SMYD2: variants seen among roughly 807,000 people sequenced by gnomAD.
SMYD2 encodes the protein SET and MYND domain containing 2.
Under a neutral mutation model 59.1 loss-of-function variants are expected in SMYD2, and 53 were observed. That is an observed-to-expected ratio of 0.90 (90% CI 0.72 to 1.13). The LOEUF (loss-of-function observed/expected upper bound fraction) is 1.13, where lower values mean the gene tolerates loss of function less well. Ranked by LOEUF, SMYD2 falls within the 50% of genes most tolerant of loss-of-function variation. The probability of loss-of-function intolerance (pLI) is 0.00; values close to 1 mark genes in which losing one functional copy is unlikely to be tolerated. For missense variants in SMYD2, 494 were observed against 544.7 expected, an observed-to-expected ratio of 0.91 and a Z score of 0.93; for synonymous variants, 208 against 198.8, an observed-to-expected ratio of 1.05 and a Z score of -0.39.
intron 1 of SMYD2, among the ~76,000 whole-genome samples, chr1:214,291,906 A>G (rs896144382): frequency 3.9e-5 from 6 of 152,224 alleles, no homozygotes; most frequent in African/African-American, 1.4e-4. Flanking sequence ...TATTTTAAAC[A>G]GCACTCTAAA....
chr1:214,324,859 A>T, intron 6 of SMYD2, 151 bp downstream of exon 6: 1 of 689,236 alleles, frequency 1.5e-6, no homozygotes, highest in South Asian at 2.0e-5. Context: ...CAGATTTCAA[A>T]ATATTTCCCC....
At chr1:214,289,349 G>T (rs1400856332) in intron 1 of SMYD2, among the ~76,000 whole-genome samples, 1 of 152,128 alleles carries the variant, frequency 6.6e-6, no homozygotes, top group Non-Finnish European at 1.5e-5. Context: ...ATAAAAATAT[G>T]AAATAATTAC....
Position 214,337,006 on chromosome 1 carries a change from T to A in SMYD2, c.*222T>A. 2.1e-6 allele frequency: 1 copy of A among 474,372 alleles called. No individual in the cohort carries two copies. Among genetic ancestry groups the A allele is most frequent in the South Asian group, 2.7e-5 (1 of 36,500 alleles). 29.4% of individuals were successfully genotyped at this position (474,372 alleles called of 1,614,324 possible). A position where few individuals can be genotyped will look rare whatever the true frequency, so the allele number is the denominator to read the frequency against. On this transcript the variant is annotated 3_prime_UTR_variant, in exon 12 of 12. Transcript: ENST00000366957. ...AATGCTTTTGTTTCCTAAGAGATAA[T>A]GGCATGGTTTCATATGTTATACTTT...
At position 214,334,281 on chromosome 1, in the gene SMYD2, A is replaced by T; in HGVS notation, c.1194A>T (p.Lys398Asn). 1 of 1,613,798 alleles carries T rather than the reference A, an allele frequency of 6.2e-7. No homozygotes were observed. Among genetic ancestry groups the T allele is most frequent in the Non-Finnish European group, 8.5e-7 (1 of 1,180,022 alleles). Residue 398 changes from lysine to asparagine, a missense_variant, in exon 11 of 12, where the codon AAA (lysine) becomes AAT (asparagine). Coordinates refer to ENST00000366957, the MANE Select transcript of SMYD2 (RefSeq NM_020197.3). Reference protein sequence around the residue: ...LGRLYMGLEHKAAGEKALKKA... With the variant: ...LGRLYMGLEHNAAGEKALKKA... ...GACTCTACATGGGCCTGGAACACAA[A>T]GCCGCAGGGGAGAAAGCCCTGAAGA...
intron 1 of SMYD2, among the ~76,000 whole-genome samples, chr1:214,286,693 A>T (rs12724396): frequency 7.0e-6 from 1 of 142,954 alleles, no homozygotes; most frequent in East Asian, 2.1e-4. Context: ...CTAGGAACCC[A>T]GGAGGCAGAG....
intron 3 of SMYD2, among the ~76,000 whole-genome samples, chr1:214,316,902 A>T (rs892734783): frequency 6.6e-6 from 1 of 152,198 alleles, no homozygotes; most frequent in South Asian, 2.1e-4. Flanking sequence ...AGGGAATAGG[A>T]TGACTGGGTG....
intron 8 of SMYD2, 97 bp from the exon 9 acceptor site, chr1:214,330,852 TC>T: frequency 1.3e-6 from 2 of 1,567,556 alleles, no homozygotes; most frequent in South Asian, 2.3e-5. Flanking sequence ...TGGGCCAGTG[TC>T]GACCGCTGTG....
chr1:214,300,724 G>A (rs1331152065), intron 1 of SMYD2, among the ~76,000 whole-genome samples: 3 of 152,194 alleles, frequency 2.0e-5, no homozygotes, highest in African/African-American at 7.2e-5. Flanking sequence ...CAAAATGTGT[G>A]AATTCCAATT....
At chr1:214,308,529 G>C (rs1455267474) in intron 2 of SMYD2, among the ~76,000 whole-genome samples, 1 of 152,176 alleles carries the variant, frequency 6.6e-6, no homozygotes, top group Non-Finnish European at 1.5e-5. Flanking sequence ...CAAAGTAGAG[G>C]CTCTGCTTAA....
intron 1 of SMYD2, among the ~76,000 whole-genome samples, chr1:214,282,110 A>G (rs1395942504): frequency 6.6e-6 from 1 of 152,150 alleles, no homozygotes; most frequent in South Asian, 2.1e-4. Context: ...TGCTAATGGT[A>G]TTTAATTGTA....
At chr1:214,293,021 G>A (rs1324864003) in intron 1 of SMYD2, among the ~76,000 whole-genome samples, 1 of 14,722 alleles carries the variant, frequency 6.8e-5, no homozygotes, top group Admixed American at 7.7e-4. Context: ...TTGTGTGTGT[G>A]TGTGTGTGTG....
In SMYD2 at chr1:214,291,739, G is replaced by A. The variant is rs75086554; in HGVS notation, c.173+10312G>A. ...TCCAGTCCTACAACTACAACACCCT[G>A]TCTCATGACTGACACAAACTAAGAG... On this transcript the variant is annotated intron_variant, in intron 1 of 11. Coordinates refer to ENST00000366957, the MANE Select transcript of SMYD2 (RefSeq NM_020197.3). 9.1e-3 allele frequency among the ~76,000 whole-genome samples: 1,382 copies of A among 152,256 alleles called. 32 individuals are homozygous for A. The highest frequency in any genetic ancestry group is 0.032 in the African/African-American group (1,319 of 41,544).
intron 1 of SMYD2, among the ~76,000 whole-genome samples, chr1:214,301,275 C>T (rs576624115): frequency 3.9e-5 from 6 of 151,984 alleles, no homozygotes; most frequent in African/African-American, 7.2e-5. Flanking sequence ...CAGTTAAATG[C>T]GGATGTTCTT....
intron 1 of SMYD2, among the ~76,000 whole-genome samples, chr1:214,288,351 A>G (rs1340889786): frequency 6.6e-6 from 1 of 152,176 alleles, no homozygotes; most frequent in Admixed American, 6.5e-5. Context: ...GTTTCTCTGA[A>G]TTTCACACCT....
chr1:214,326,106 C>T (rs1019554284), intron 6 of SMYD2, among the ~76,000 whole-genome samples: 5 of 151,726 alleles, frequency 3.3e-5, no homozygotes, highest in East Asian at 1.9e-4. Flanking sequence ...GGCATGGTGG[C>T]GCACACCTGT....
At chr1:214,306,899 G>A (rs920231822) in intron 2 of SMYD2, among the ~76,000 whole-genome samples, 5 of 152,174 alleles carry the variant, frequency 3.3e-5, no homozygotes, top group Non-Finnish European at 5.9e-5. Flanking sequence ...GGCTGGGCGC[G>A]GTGGCTCATG....
At chr1:214,311,340 A>G (rs955305689) in intron 2 of SMYD2, among the ~76,000 whole-genome samples, 2 of 152,136 alleles carry the variant, frequency 1.3e-5, no homozygotes, top group African/African-American at 4.8e-5. Context: ...GATGATCCCT[A>G]TTTGGTCCAC....
At chr1:214,291,925 T>C (rs1656641776) in intron 1 of SMYD2, among the ~76,000 whole-genome samples, 1 of 152,170 alleles carries the variant, frequency 6.6e-6, no homozygotes, top group Admixed American at 6.5e-5. Context: ...AAAAAACCTT[T>C]AGGGTTTTTG....
rs1386968486 is a variant in SMYD2, at chr1:214,332,206, C to T, written c.1112+14C>T. 3 of 1,612,608 alleles carry T rather than the reference C, an allele frequency of 1.9e-6. No homozygotes were observed. The highest frequency in any genetic ancestry group is 3.3e-5 in the Admixed American group (2 of 59,856). On this transcript the variant is annotated intron_variant, in intron 10 of 11. Transcript: ENST00000366957. The stretch of plus-strand genomic sequence containing the variant: ...TAAGCCCTACAGGTGATTGCAGAGG[C>T]TGTTCTAATCATCCACGGAGTGGAA...
Sources: allele counts gnomAD v4.1 joint callset (sites outside exome capture counted in the v4.1 genomes callset), GRCh38; gene constraint gnomAD v4.1.1; transcripts MANE v1.5; gene names NCBI Gene and HGNC (gene_info 2026-07-23, HGNC 2026-07-21).